CTIF: variants seen among roughly 807,000 people sequenced by gnomAD.
CTIF encodes the protein CBP80/20-dependent translation initiation factor.
A neutral mutation model predicts 66.0 loss-of-function variants in CTIF; 21 were observed. The observed-to-expected ratio is 0.32, with a 90% CI of 0.23 to 0.46. The LOEUF (loss-of-function observed/expected upper bound fraction) is 0.46, where lower values mean the gene tolerates loss of function less well. CTIF is among the 20% of genes least tolerant of loss of function. The probability of loss-of-function intolerance (pLI) is 1.00; values close to 1 mark genes in which losing one functional copy is unlikely to be tolerated. For missense variants in CTIF, 739 were observed against 812.7 expected (o/e 0.91, Z 1.10); for synonymous variants, 345 against 326.4 (o/e 1.06, Z -0.62).
chr18:48,783,449 A>G (rs1599036364), intron 9 of CTIF, among the ~76,000 whole-genome samples: 1 of 152,286 alleles, frequency 6.6e-6, no homozygotes, highest in African/African-American at 2.4e-5. Flanking sequence ...GCAACCCTCA[A>G]ATTTTACCAG....
At position 48,725,233 on chromosome 18, in the gene CTIF, G is replaced by A. The variant is rs139002594; in HGVS notation, c.584+13538G>A. ...CAGCCACGGTGCAAAGAGGCTGGGC[G>A]GAGGCTGGGGTGAGACACTTAGAGG... On this transcript the variant is annotated intron_variant, in intron 7 of 11. Coordinates refer to ENST00000256413, the MANE Select transcript of CTIF (RefSeq NM_014772.3). Among the ~76,000 whole-genome samples, 3 of 152,284 alleles carry A rather than the reference G, an allele frequency of 2.0e-5. No homozygotes were observed. In the East Asian group the frequency reaches 5.8e-4, roughly 29 times the overall value.
chr18:48,635,289 GCTTTTTCTTTTTTTT>G (rs145878332), intron 2 of CTIF, among the ~76,000 whole-genome samples: 5,875 of 148,556 alleles, frequency 0.04, 153 homozygotes, highest in South Asian at 0.12. Context: ...GCTTCCCTCT[GCTTTTTCTTTTTTTT>G]CTTTTTCTTT....
chr18:48,674,973 A>G (rs1402301277), intron 6 of CTIF, among the ~76,000 whole-genome samples: 5 of 150,536 alleles, frequency 3.3e-5, no homozygotes, highest in Non-Finnish European at 5.9e-5. Context: ...GAGGCATGAC[A>G]TGCCATACAA....
chr18:48,662,948 C>T (rs903553895), intron 3 of CTIF, among the ~76,000 whole-genome samples: 4 of 152,090 alleles, frequency 2.6e-5, no homozygotes, highest in African/African-American at 9.7e-5. Context: ...GCTGTAATGG[C>T]GGATGCTGCT....
intron 6 of CTIF, among the ~76,000 whole-genome samples, chr18:48,681,427 C>G (rs2091740259): frequency 6.6e-6 from 1 of 152,226 alleles, no homozygotes; most frequent in South Asian, 2.1e-4. Flanking sequence ...TGGATGCTAC[C>G]ACTCTTTCCC....
At chr18:48,741,838 G>C (rs2092557631) in intron 7 of CTIF, among the ~76,000 whole-genome samples, 1 of 152,110 alleles carries the variant, frequency 6.6e-6, no homozygotes, top group Non-Finnish European at 1.5e-5. Context: ...CTTCCCTTGG[G>C]CCACACTCAG....
In CTIF at chr18:48,817,314, C is replaced by G. The variant is rs1171970097; in HGVS notation, c.1465C>G (p.Arg489Gly). 2.5e-6 allele frequency: 4 copies of G among 1,613,892 alleles called. No homozygotes were observed. Among genetic ancestry groups the G allele is most frequent in the Non-Finnish European group, 3.4e-6 (4 of 1,179,958 alleles). Residue 489 changes from arginine (R) to glycine (G), a missense_variant, in exon 10 of 12, where the codon CGC becomes GGC. This residue lies in a region of CTIF where 210 missense variants were observed against 292.3 expected (regional missense o/e 0.72). Coordinates refer to ENST00000256413, the MANE Select transcript of CTIF (RefSeq NM_014772.3). ...CCTGTGCGAGGTCTTCGGCACCATG[C>G]GCAGCAGCACAGGCGAGCCCTTCCG... ...TFLCEVFGTMRSSTGEPFRVL... is the reference protein window; with the variant it reads ...TFLCEVFGTMGSSTGEPFRVL...
intron 6 of CTIF, among the ~76,000 whole-genome samples, chr18:48,680,505 C>G (rs1007598063): frequency 3.9e-5 from 6 of 152,272 alleles, no homozygotes; most frequent in Non-Finnish European, 8.8e-5. Flanking sequence ...GCCCGGTACA[C>G]AGTGAGCAGG....
At chr18:48,725,812 ATTTTTTTGCTCCTAAGAGCCTAAAAC>A in intron 7 of CTIF, among the ~76,000 whole-genome samples, 1 of 152,152 alleles carries the variant, frequency 6.6e-6, no homozygotes, top group Non-Finnish European at 1.5e-5. Context: ...TTCAAGGCAG[ATTTTTTTGCTCCTAAGAGCCTAAAAC>A]CATCCCACTT....
rs922238583 is a variant in CTIF at position 48,753,001 on chromosome 18, G to A, written c.585-4918G>A. Among the ~76,000 whole-genome samples the A allele has an allele frequency of 2.6e-5, 4 of 152,174 alleles. No individual in the cohort carries two copies. In the South Asian group the frequency reaches 6.2e-4, roughly 24 times the overall value. On this transcript the variant is annotated intron_variant, in intron 7 of 11. Transcript: ENST00000256413. ...TCCTGGGTCCTATATGCCATCGCTCGACTAAGCAGCCCCTGAGCTGCAGAG... is the reference window on the plus strand; with the variant it reads ...TCCTGGGTCCTATATGCCATCGCTCAACTAAGCAGCCCCTGAGCTGCAGAG...
chr18:48,844,332 A>G (rs2069019583), intron 10 of CTIF, among the ~76,000 whole-genome samples: 1 of 152,216 alleles, frequency 6.6e-6, no homozygotes, highest in African/African-American at 2.4e-5. Flanking sequence ...CTAGGCCACT[A>G]GCTGGAGCTT....
intron 2 of CTIF, among the ~76,000 whole-genome samples, chr18:48,624,612 T>A (rs2090560868): frequency 6.6e-6 from 1 of 152,164 alleles, no homozygotes; most frequent in African/African-American, 2.4e-5. Flanking sequence ...TGAGCGAGCA[T>A]GAACTCACTT....
At chr18:48,802,361 G>A (rs1294917273) in intron 9 of CTIF, among the ~76,000 whole-genome samples, 1 of 152,242 alleles carries the variant, frequency 6.6e-6, no homozygotes, top group Non-Finnish European at 1.5e-5. Context: ...CAGCCAGGCA[G>A]GGAATATCCG....
At chr18:48,837,328 A>G (rs2068834328) in intron 10 of CTIF, among the ~76,000 whole-genome samples, 1 of 152,104 alleles carries the variant, frequency 6.6e-6, no homozygotes, top group Admixed American at 6.5e-5. Flanking sequence ...CCCATCAAGC[A>G]TTTAGCAGGG....
intron 1 of CTIF, among the ~76,000 whole-genome samples, chr18:48,553,284 G>A (rs527714187): frequency 1.3e-5 from 2 of 152,306 alleles, no homozygotes; most frequent in South Asian, 4.1e-4. Context: ...CCTCCTCTAG[G>A]TGAAACAAAA....
At chr18:48,750,106 C>G (rs1598974073) in intron 7 of CTIF, among the ~76,000 whole-genome samples, 1 of 152,246 alleles carries the variant, frequency 6.6e-6, no homozygotes, top group East Asian at 1.9e-4. Flanking sequence ...TGCTTTTGTT[C>G]CCCACAGGCT....
intron 6 of CTIF, chr18:48,692,396 C>A (rs2091943057): frequency 6.6e-6 from 1 of 152,154 alleles, no homozygotes; most frequent in Non-Finnish European, 1.5e-5. Flanking sequence ...AGATCAGTTT[C>A]CTTCTTGCCT....
intron 6 of CTIF, among the ~76,000 whole-genome samples, chr18:48,687,306 AC>A: frequency 9.4e-5 from 1 of 10,648 alleles, no homozygotes; most frequent in Non-Finnish European, 1.9e-4. Flanking sequence ...CTAGGAGGGG[AC>A]ACACACACAC....
At chr18:48,558,950 T>TTTTTATCAGGTTTATCAG (rs2089085989) in intron 1 of CTIF, among the ~76,000 whole-genome samples, 1 of 152,200 alleles carries the variant, frequency 6.6e-6, no homozygotes, top group Non-Finnish European at 1.5e-5. Context: ...CTGATAAGCG[T>TTTTTATCAGGTTTATCAG]TTGCAGATCT....
Sources: allele counts gnomAD v4.1 joint callset (sites outside exome capture counted in the v4.1 genomes callset), GRCh38; gene constraint gnomAD v4.1.1; regional missense constraint gnomAD v4.1.1; transcripts MANE v1.5; gene names NCBI Gene and HGNC (gene_info 2026-07-23, HGNC 2026-07-21).